RPS6KA6: variants seen among roughly 807,000 people sequenced by gnomAD.
The protein encoded by RPS6KA6 is ribosomal protein S6 kinase A6.
Under a neutral mutation model 65.4 loss-of-function variants are expected in RPS6KA6, and 27 were observed. The ratio of observed to expected loss-of-function variants is 0.41; its 90% confidence interval spans 0.30 to 0.57. The LOEUF is 0.57. RPS6KA6 is among the 20% of genes least tolerant of loss of function. RPS6KA6 has a pLI of 0.24. For synonymous variants in RPS6KA6, 190 were observed against 184.2 expected, an observed-to-expected ratio of 1.03 and a Z score of -0.26; for missense variants, 486 against 555.6, an observed-to-expected ratio of 0.87 and a Z score of 1.26.
At chrX:84,148,174 T>C (rs767022089) in intron 3 of RPS6KA6, 51 bp from the exon 4 acceptor site, 31 of 772,093 alleles carry the variant, frequency 4.0e-5, no homozygotes, top group Non-Finnish European at 5.9e-5. Context: ...TTTCTAGTCA[T>C]TCTTGCTCTA....
At chrX:84,128,430 C>T (rs1050814999) in intron 8 of RPS6KA6, among the ~76,000 whole-genome samples, 1 of 111,088 alleles carries the variant, frequency 9.0e-6, no homozygotes, top group African/African-American at 3.3e-5. Flanking sequence ...GTCCATACTA[C>T]CCAAAGCAAT....
Position 84,187,802 on chromosome X carries a change from T to C in RPS6KA6, c.81+17A>G. 4 of 1,195,592 alleles carry C rather than the reference T, an allele frequency of 3.3e-6. No individual in the cohort carries two copies. The highest frequency in any genetic ancestry group is 4.5e-6 in the Non-Finnish European group (4 of 886,873). On this transcript the variant is annotated intron_variant, in intron 1 of 21. Transcript: ENST00000262752. ...AGGCGGGGGTTGGCTCCAGCCCGTC[T>C]TGGCCACCACACTAACCTCGCCGCT...
chrX:84,127,257 C>A (rs886127658), intron 8 of RPS6KA6, among the ~76,000 whole-genome samples: 2 of 110,740 alleles, frequency 1.8e-5, no homozygotes, highest in African/African-American at 6.6e-5. Context: ...TTCCTTGTCA[C>A]GTAAAACCTA....
chrX:84,069,376 A>T lies in RPS6KA6; in HGVS notation c.1972-4265T>A, dbSNP rs1409064705. Among the ~76,000 whole-genome samples the T allele has an allele frequency of 9.8e-5, 11 of 111,965 alleles. No individual in the cohort carries two copies. In the Admixed American group the frequency reaches 1.0e-3, roughly 11 times the overall value. On this transcript the variant is annotated intron_variant, in intron 20 of 21. Coordinates refer to ENST00000262752, the MANE Select transcript of RPS6KA6 (RefSeq NM_014496.5). Reference sequence around the variant, plus strand: ...GGCTAGCTATATGTAGAAAGCTGAAACTGGACCCTTTCCTCACACCTTATA... The same window carrying T: ...GGCTAGCTATATGTAGAAAGCTGAATCTGGACCCTTTCCTCACACCTTATA...
chrX:84,176,943 T>C (rs1047460684), intron 1 of RPS6KA6, among the ~76,000 whole-genome samples: 19 of 112,015 alleles, frequency 1.7e-4, no homozygotes, highest in African/African-American at 6.2e-4. Flanking sequence ...TAATAAATGT[T>C]TGCTGTCAAA....
At chrX:84,117,746 A>G (rs750918999) in intron 9 of RPS6KA6, among the ~76,000 whole-genome samples, 1 of 111,860 alleles carries the variant, frequency 8.9e-6, no homozygotes, top group African/African-American at 3.2e-5. Context: ...CAATTTGAAA[A>G]TACACACAAT....
chrX:84,181,260 C>A (rs2035849329), intron 1 of RPS6KA6, among the ~76,000 whole-genome samples: 1 of 111,726 alleles, frequency 9.0e-6, no homozygotes, highest in African/African-American at 3.2e-5. Flanking sequence ...AAAACAGAGT[C>A]ACTATCTCCT....
At position 84,157,012 on chromosome X, in the gene RPS6KA6, C is replaced by T. The variant is rs915965057; in HGVS notation, c.142-821G>A. On this transcript the variant is annotated intron_variant, in intron 2 of 21. Coordinates refer to ENST00000262752, the MANE Select transcript of RPS6KA6 (RefSeq NM_014496.5). ...ATTTAACTTTACATGACTACTTAAT[C>T]ACAATGTCTATAAATCTTGGTAGCA... 5.3e-5 allele frequency among the ~76,000 whole-genome samples: 6 copies of T among 112,188 alleles called. No homozygotes were observed. The Admixed American group carries it at 5.7e-4, about 11-fold the overall frequency.
chrX:84,118,631 C>G (rs752952688), intron 9 of RPS6KA6, among the ~76,000 whole-genome samples: 1 of 111,694 alleles, frequency 9.0e-6, no homozygotes, highest in South Asian at 3.8e-4. Context: ...ATTCTTTGAA[C>G]CCCCTAAAGC....
At chrX:84,180,065 T>A (rs2035827689) in intron 1 of RPS6KA6, among the ~76,000 whole-genome samples, 1 of 111,842 alleles carries the variant, frequency 8.9e-6, no homozygotes, top group Admixed American at 9.5e-5. Flanking sequence ...ATTTGAAACC[T>A]GACATTCAGT....
At chrX:84,159,724 T>C (rs1160481532) in intron 2 of RPS6KA6, among the ~76,000 whole-genome samples, 1 of 110,963 alleles carries the variant, frequency 9.0e-6, no homozygotes, top group Non-Finnish European at 1.9e-5. Flanking sequence ...AAGTCCTAAC[T>C]CCCAGTACCT....
chrX:84,133,112 C>T (rs748658715), intron 8 of RPS6KA6, among the ~76,000 whole-genome samples: 8 of 111,684 alleles, frequency 7.2e-5, no homozygotes, highest in African/African-American at 1.3e-4. Flanking sequence ...GAACGCTAAG[C>T]ATGTGGGAGT....
chrX:84,169,588 G>A (rs1392130072), intron 1 of RPS6KA6, among the ~76,000 whole-genome samples: 1 of 111,703 alleles, frequency 9.0e-6, no homozygotes, highest in Non-Finnish European at 1.9e-5. Flanking sequence ...AGAGCTTGTA[G>A]CTTGGTGCTG....
At position 84,103,082 on chromosome X, in the gene RPS6KA6, G is replaced by A. The variant is rs190013012; in HGVS notation, c.1615-884C>T. 1.5e-3 allele frequency among the ~76,000 whole-genome samples: 164 copies of A among 111,089 alleles called. 1 individual carries two copies. The highest frequency in any genetic ancestry group is 4.9e-3 in the African/African-American group (151 of 30,696). ...ACAAATGAAACAATAATAACTATTG[G>A]AGAAAAATAATGAAATATGAAATTC... On this transcript the variant is annotated intron_variant, in intron 17 of 21. Coordinates refer to ENST00000262752, the MANE Select transcript of RPS6KA6 (RefSeq NM_014496.5).
At position 84,151,001 on chromosome X, in the gene RPS6KA6, T is replaced by G. The variant is rs374659244; in HGVS notation, c.259-2878A>C. ...AGGATATATATATAGAGGATATATA[T>G]AGAGAGGATATATAGAGAGAGGATA... On this transcript the variant is annotated intron_variant, in intron 3 of 21. Coordinates refer to ENST00000262752, the MANE Select transcript of RPS6KA6 (RefSeq NM_014496.5). Among the ~76,000 whole-genome samples, 48 of 72,900 alleles carry G rather than the reference T, an allele frequency of 6.6e-4. No homozygotes were observed. The East Asian group carries it at 7.9e-3, about 12-fold the overall frequency. 63.3% of individuals were successfully genotyped at this position (72,900 alleles called of 115,157 possible).
chrX:84,179,662 T>C (rs886629243), intron 1 of RPS6KA6, among the ~76,000 whole-genome samples: 10 of 112,047 alleles, frequency 8.9e-5, no homozygotes, highest in African/African-American at 3.2e-4. Context: ...TATTCACTTA[T>C]TCCAATGTAA....
At chrX:84,110,998 A>G (rs968742354) in intron 12 of RPS6KA6, among the ~76,000 whole-genome samples, 1 of 106,299 alleles carries the variant, frequency 9.4e-6, no homozygotes, top group Admixed American at 1.0e-4. Flanking sequence ...ATAAATATAT[A>G]TATATATATA....
chrX:84,167,491 A>T (rs750490204), intron 1 of RPS6KA6, among the ~76,000 whole-genome samples: 37 of 111,988 alleles, frequency 3.3e-4, no homozygotes, highest in African/African-American at 1.2e-3. Flanking sequence ...GAATAAAGCA[A>T]AACTGTAGGG....
At chrX:84,082,733 T>G (rs1428545815) in intron 20 of RPS6KA6, among the ~76,000 whole-genome samples, 1 of 111,706 alleles carries the variant, frequency 9.0e-6, no homozygotes, top group Non-Finnish European at 1.9e-5. Context: ...AGCATGGTAC[T>G]GGTACCAAAA....
Sources: allele counts gnomAD v4.1 joint callset (sites outside exome capture counted in the v4.1 genomes callset), GRCh38; gene constraint gnomAD v4.1.1; transcripts MANE v1.5; gene names NCBI Gene and HGNC (gene_info 2026-07-23, HGNC 2026-07-21).